Variants in DCTN4 observed in about 807,000 individuals in gnomAD.
DCTN4 encodes dynactin 4 (p62).
Under a neutral mutation model 62.7 loss-of-function variants are expected in DCTN4, and 23 were observed. The observed-to-expected ratio is 0.37, with a 90% CI of 0.26 to 0.52. The LOEUF (loss-of-function observed/expected upper bound fraction) is 0.52, where lower values mean the gene tolerates loss of function less well. DCTN4 is among the 20% of genes least tolerant of loss of function. The pLI is 0.92. For synonymous variants in DCTN4, 199 were observed against 202.1 expected, an observed-to-expected ratio of 0.98 and a Z score of 0.13; for missense variants, 514 against 580.4, an observed-to-expected ratio of 0.89 and a Z score of 1.18.
rs368721115 is a variant in DCTN4 at position 150,724,945 on chromosome 5, C to T, written c.835-1965G>A. ...GGCTGAGGCGGGCGGACCACGAGGT[C>T]AGGAGATTGAGACCATCCTGGCTAA... On this transcript the variant is annotated intron_variant, in intron 8 of 12. Coordinates refer to ENST00000447998, the MANE Select transcript of DCTN4 (RefSeq NM_016221.4). Among the ~76,000 whole-genome samples the T allele has an allele frequency of 1.1e-3, 160 of 152,114 alleles. 2 individuals are homozygous for T. The highest frequency in any genetic ancestry group is 3.7e-3 in the African/African-American group (154 of 41,514).
Position 150,711,046 on chromosome 5 carries a change from G to A in DCTN4, c.*103C>T, listed in dbSNP as rs756969916. ...TAGCAATAGAATTCCGTAGTGCATGGGTACATCGTTATAAACAAGGCCTAA... is the reference window on the plus strand; with the variant it reads ...TAGCAATAGAATTCCGTAGTGCATGAGTACATCGTTATAAACAAGGCCTAA... On this transcript the variant is annotated 3_prime_UTR_variant, in exon 13 of 13. Coordinates refer to ENST00000447998, the MANE Select transcript of DCTN4 (RefSeq NM_016221.4). The A allele has an allele frequency of 9.0e-7, 1 of 1,108,154 alleles. No individual in the cohort carries two copies. Among genetic ancestry groups the A allele is most frequent in the Non-Finnish European group, 1.3e-6 (1 of 754,350 alleles). The allele number at this position is 1,108,154 out of a possible 1,614,324, so 68.6% of individuals were successfully genotyped here.
At chr5:150,738,200 A>T (rs1442709626) in intron 4 of DCTN4, among the ~76,000 whole-genome samples, 1 of 152,198 alleles carries the variant, frequency 6.6e-6, no homozygotes, top group Non-Finnish European at 1.5e-5. Flanking sequence ...TCAAAGAATA[A>T]TTTTTATGAA....
intron 9 of DCTN4, among the ~76,000 whole-genome samples, chr5:150,720,453 G>A (rs564581399): frequency 6.6e-6 from 1 of 150,422 alleles, no homozygotes; most frequent in Non-Finnish European, 1.5e-5. Flanking sequence ...GAATTCAGTA[G>A]GTCTGAGGTT....
At chr5:150,725,313 A>C (rs1760104041) in intron 8 of DCTN4, among the ~76,000 whole-genome samples, 1 of 151,904 alleles carries the variant, frequency 6.6e-6, no homozygotes, top group Admixed American at 6.5e-5. Context: ...GATGAGACAA[A>C]AGGTAACTTT....
intron 3 of DCTN4, among the ~76,000 whole-genome samples, chr5:150,746,913 A>G (rs1232075138): frequency 6.6e-6 from 1 of 152,194 alleles, no homozygotes; most frequent in Non-Finnish European, 1.5e-5. Context: ...ACTCCTATTC[A>G]ACATAGTGTT....
chr5:150,731,984 A>G (rs1260048630), intron 5 of DCTN4: 1 of 1,271,938 alleles, frequency 7.9e-7, no homozygotes, highest in African/African-American at 1.5e-5. Flanking sequence ...CGCATATAGC[A>G]GGCAGGTTAT....
At chr5:150,747,524 A>G (rs975454903) in intron 3 of DCTN4, among the ~76,000 whole-genome samples, 32 of 152,330 alleles carry the variant, frequency 2.1e-4, no homozygotes, top group African/African-American at 7.7e-4. Flanking sequence ...GCATCACACT[A>G]ACTGACTTCA....
chr5:150,744,289 G>A (rs907815423), intron 3 of DCTN4, among the ~76,000 whole-genome samples: 6 of 152,046 alleles, frequency 3.9e-5, no homozygotes, highest in Admixed American at 6.6e-5. Flanking sequence ...ATGGGACTAT[G>A]TGAAAAGACC....
At chr5:150,736,858 G>T (rs77174342) in intron 4 of DCTN4, among the ~76,000 whole-genome samples, 1 of 152,144 alleles carries the variant, frequency 6.6e-6, no homozygotes, top group Non-Finnish European at 1.5e-5. Flanking sequence ...AGTATCTGCC[G>T]TCTTCAAGAG....
intron 4 of DCTN4, 74 bp from the exon 5 acceptor site, chr5:150,733,549 TAG>T: frequency 2.0e-6 from 2 of 1,019,406 alleles, no homozygotes; most frequent in South Asian, 2.9e-5. Context: ...CTACACTGAC[TAG>T]ACACATAATG....
intron 8 of DCTN4, among the ~76,000 whole-genome samples, chr5:150,727,319 C>T (rs543817496): frequency 4.6e-5 from 7 of 152,236 alleles, no homozygotes; most frequent in East Asian, 1.9e-4. Flanking sequence ...TTTAATTTTA[C>T]AGTGCTTAAT....
intron 12 of DCTN4, among the ~76,000 whole-genome samples, chr5:150,712,884 T>C (rs930794925): frequency 2.6e-5 from 4 of 152,220 alleles, no homozygotes; most frequent in African/African-American, 7.2e-5. Flanking sequence ...ATTTATACAG[T>C]GTTAGTTTCC....
chr5:150,744,281 G>A (rs1760877406), intron 3 of DCTN4, among the ~76,000 whole-genome samples: 1 of 151,980 alleles, frequency 6.6e-6, no homozygotes. Context: ...CAAGAAATAT[G>A]GGACTATGTG....
chr5:150,743,481 C>G lies in DCTN4; in HGVS notation c.386-1324G>C, dbSNP rs184992232. ...CAGCACGCAGCTGGAGATCTGAGAA[C>G]GGGCAGACTGCCTCCTCAAGTGGGT... On this transcript the variant is annotated intron_variant, in intron 3 of 12. Transcript: ENST00000447998. Among the ~76,000 whole-genome samples the G allele has an allele frequency of 2.1e-4, 32 of 152,280 alleles. 1 individual carries two copies. In the South Asian group the frequency reaches 6.2e-3, roughly 30 times the overall value.
chr5:150,713,462 G>GA (rs11409633), intron 12 of DCTN4, among the ~76,000 whole-genome samples: 2,885 of 66,880 alleles, frequency 0.043, 87 homozygotes, highest in African/African-American at 0.14. Flanking sequence ...TTTTTTTTTT[G>GA]AGACGGAGTC....
At chr5:150,711,832 T>A (rs1434011769) in intron 12 of DCTN4, among the ~76,000 whole-genome samples, 1 of 152,106 alleles carries the variant, frequency 6.6e-6, no homozygotes, top group African/African-American at 2.4e-5. Flanking sequence ...TATTTTTCTA[T>A]GAGCTTATAC....
intron 3 of DCTN4, among the ~76,000 whole-genome samples, chr5:150,749,216 T>C (rs1752578671): frequency 6.6e-6 from 1 of 152,142 alleles, no homozygotes; most frequent in Non-Finnish European, 1.5e-5. Context: ...TATTCAACAA[T>C]GGACTTGTAT....
chr5:150,726,416 A>G (rs866263624), intron 8 of DCTN4, among the ~76,000 whole-genome samples: 1 of 152,184 alleles, frequency 6.6e-6, no homozygotes, highest in Non-Finnish European at 1.5e-5. Context: ...GTGTAGTTTA[A>G]AACATATTAG....
chr5:150,758,786 T>G, intron 1 of DCTN4, 73 bp downstream of exon 1: 1 of 1,576,278 alleles, frequency 6.3e-7, no homozygotes, highest in South Asian at 1.1e-5. Flanking sequence ...GCTCCAGCCT[T>G]CCGGTGGCAG....
Sources: gnomAD v4.1 joint callset for allele counts (sites outside exome capture counted in the v4.1 genomes callset) on GRCh38, gnomAD v4.1.1 for gene constraint, MANE v1.5 for transcripts, NCBI Gene and HGNC (gene_info 2026-07-23, HGNC 2026-07-21) for gene names.